Variants in TRPM7 observed in about 807,000 individuals in gnomAD.
TRPM7 encodes the protein transient receptor potential cation channel subfamily M member 7.
A neutral mutation model predicts 229.7 loss-of-function variants in TRPM7; 134 were observed. The ratio of observed to expected loss-of-function variants is 0.58; its 90% CI spans 0.51 to 0.67. The LOEUF is 0.67. Ranked by LOEUF, TRPM7 falls within the 30% of genes least tolerant of loss-of-function variation. The pLI, the probability that TRPM7 is intolerant of heterozygous loss-of-function variation, is 0.00. For synonymous variants in TRPM7, 699 were observed against 715.2 expected (o/e 0.98, Z 0.36); for missense variants, 1,901 against 2,210.0 (o/e 0.86, Z 2.80).
At chr15:50,667,201 T>C (rs2061905759) in intron 1 of TRPM7, among the ~76,000 whole-genome samples, 1 of 152,130 alleles carries the variant, frequency 6.6e-6, no homozygotes, top group African/African-American at 2.4e-5. Context: ...AGAAACATGC[T>C]CTTGGCCCCC....
At chr15:50,656,580 C>T (rs564561734) in intron 3 of TRPM7, among the ~76,000 whole-genome samples, 12 of 151,580 alleles carry the variant, frequency 7.9e-5, no homozygotes, top group African/African-American at 2.9e-4. Flanking sequence ...AAACCATCCT[C>T]CTGCCTCAAC....
chr15:50,651,472 C>T (rs964334184), intron 3 of TRPM7, among the ~76,000 whole-genome samples: 18 of 151,546 alleles, frequency 1.2e-4, no homozygotes, highest in East Asian at 3.9e-4. Context: ...AGTGAAACCC[C>T]GTCTGTAATA....
chr15:50,613,347 C>G (rs2140486656), intron 15 of TRPM7, among the ~76,000 whole-genome samples: 1 of 151,814 alleles, frequency 6.6e-6, no homozygotes, highest in Non-Finnish European at 1.5e-5. Context: ...ACTAAAAATA[C>G]AAAAAATTAG....
chr15:50,656,166 T>C (rs1216807093), intron 3 of TRPM7, among the ~76,000 whole-genome samples: 3 of 150,842 alleles, frequency 2.0e-5, no homozygotes, highest in Non-Finnish European at 4.5e-5. Context: ...CTATATGAAA[T>C]GCTAAATAAA....
chr15:50,588,047 C>T (rs1326381323), intron 27 of TRPM7: 1 of 172,144 alleles, frequency 5.8e-6, no homozygotes, highest in African/African-American at 2.4e-5. Context: ...TCTAAATATG[C>T]CATAATTAAA....
rs78432285 is a variant in TRPM7, at chr15:50,591,893, C to A, written c.4324+18G>T. Reference sequence around the variant, plus strand: ...AGTAAATAATATTGATATACAAATACGAATTTGCCAAACTTACCTACAAAT... The same window carrying A: ...AGTAAATAATATTGATATACAAATAAGAATTTGCCAAACTTACCTACAAAT... On this transcript the variant is annotated intron_variant, in intron 26 of 38. Transcript: ENST00000646667. 2.4e-5 allele frequency: 36 copies of A among 1,502,434 alleles called. No homozygotes were observed. The Admixed American group carries it at 6.9e-4, about 29-fold the overall frequency. The allele number at this position is 1,502,434 out of a possible 1,614,324, so 93.1% of individuals were successfully genotyped here. A position where few individuals can be genotyped will look rare whatever the true frequency, so the allele number is the denominator to read the frequency against.
chr15:50,599,518 G>A (rs577690343), intron 21 of TRPM7: 112 of 380,536 alleles, frequency 2.9e-4, no homozygotes, highest in Admixed American at 7.3e-4. Context: ...AGCTAAGCAA[G>A]TCATGGGCAT....
intron 19 of TRPM7, among the ~76,000 whole-genome samples, chr15:50,608,095 A>C (rs2059970469): frequency 6.6e-6 from 1 of 151,674 alleles, no homozygotes; most frequent in Non-Finnish European, 1.5e-5. Context: ...AAAGAAAAGA[A>C]AAAAAGACAA....
chr15:50,572,208 CGAA>C, intron 36 of TRPM7, among the ~76,000 whole-genome samples: 1 of 152,216 alleles, frequency 6.6e-6, no homozygotes, highest in South Asian at 2.1e-4. Flanking sequence ...TGGCTTGAGC[CGAA>C]GGAGTTTGAG....
chr15:50,672,897 TCAAAA>T (rs2062020262), intron 1 of TRPM7, among the ~76,000 whole-genome samples: 1 of 11,226 alleles, frequency 8.9e-5, no homozygotes, highest in Admixed American at 1.6e-3. Flanking sequence ...AGACTCTGTC[TCAAAA>T]AAAAAAAAAA....
chr15:50,677,279 A>C (rs537172863), intron 1 of TRPM7, among the ~76,000 whole-genome samples: 6 of 152,128 alleles, frequency 3.9e-5, no homozygotes, highest in African/African-American at 1.4e-4. Context: ...CCCCACCCTC[A>C]TGACCTCATC....
At position 50,686,655 on chromosome 15, in the gene TRPM7, C is replaced by G. The variant is rs2140999049; in HGVS notation, c.-122G>C. 7.3e-7 allele frequency: 1 copy of G among 1,378,706 alleles called. No individual in the cohort carries two copies. The highest frequency in any genetic ancestry group is 2.5e-5 in the Admixed American group (1 of 40,650). 85.4% of individuals were successfully genotyped at this position (1,378,706 alleles called of 1,614,324 possible). ...GCAGAGGCCGCCGGACAAGGAACGC[C>G]CAGGGAAACCTTCTCAGAACTAACT... On this transcript the variant is annotated 5_prime_UTR_variant, in exon 1 of 39. Coordinates refer to ENST00000646667, the MANE Select transcript of TRPM7 (RefSeq NM_017672.6).
chr15:50,645,419 C>G (rs980866542), intron 4 of TRPM7, among the ~76,000 whole-genome samples: 1 of 152,096 alleles, frequency 6.6e-6, no homozygotes, highest in Non-Finnish European at 1.5e-5. Flanking sequence ...GAATGCCTCC[C>G]GGGTTCAAGA....
chr15:50,643,499 T>G lies in TRPM7; in HGVS notation c.376A>C (p.Lys126Gln), dbSNP rs1179989783. The stretch of plus-strand genomic sequence containing the variant: ...TTGGGTAACTCCATTTGCCATTCTT[T>G]AAGCAGAAGTTGCAGAATGACTTCA... The part of the protein sequence containing the change: ...KPEVILQLLL[K>Q]EWQMELPKLV... The change falls in exon 5 of 39, where the codon AAA (lysine) becomes CAA (glutamine). Residue 126 changes from lysine to glutamine, a missense_variant. Around this residue, in one of 8 missense-constraint regions of TRPM7, gnomAD observed 794 missense variants for 881.9 expected, o/e 0.90. Transcript: ENST00000646667. 1.2e-6 allele frequency: 2 copies of G among 1,614,056 alleles called. No individual in the cohort carries two copies. Among genetic ancestry groups the G allele is most frequent in the Non-Finnish European group, 1.7e-6 (2 of 1,180,036 alleles).
At chr15:50,610,229 A>G (rs540059236) in intron 17 of TRPM7, among the ~76,000 whole-genome samples, 12 of 152,216 alleles carry the variant, frequency 7.9e-5, no homozygotes, top group African/African-American at 2.4e-4. Flanking sequence ...AATAATTATT[A>G]TAGACTTGTC....
intron 1 of TRPM7, among the ~76,000 whole-genome samples, chr15:50,664,308 CAAAAAAA>C (rs36108092): frequency 3.4e-5 from 2 of 58,926 alleles, no homozygotes; most frequent in South Asian, 6.0e-4. Context: ...GACTCCGTCT[CAAAAAAA>C]AAAAAAAAAA....
At chr15:50,613,622 A>G (rs2060127142) in intron 15 of TRPM7, 85 bp downstream of exon 15, 2 of 1,224,480 alleles carry the variant, frequency 1.6e-6, no homozygotes, top group Non-Finnish European at 2.2e-6. Context: ...TACTAAATCA[A>G]TTAGTTTTTT....
chr15:50,675,322 G>A (rs1449479211), intron 1 of TRPM7, among the ~76,000 whole-genome samples: 1 of 149,422 alleles, frequency 6.7e-6, no homozygotes, highest in Non-Finnish European at 1.5e-5. Flanking sequence ...CAACCCAGGC[G>A]ACAAGAGCAA....
rs145433193 is a variant in TRPM7, at chr15:50,683,921, C to T, written c.3+2610G>A. Among the ~76,000 whole-genome samples, 680 of 150,878 alleles carry T rather than the reference C, an allele frequency of 4.5e-3. 2 individuals carry two copies. Among genetic ancestry groups the T allele is most frequent in the Middle Eastern group, 0.01 (3 of 288 alleles). ...CTCTCACCCAGGCTGGAGTGAATGG[C>T]GCAATCTTGGCTCACTGCAACCTCC... is the stretch of plus-strand genomic sequence containing the variant. On this transcript the variant is annotated intron_variant, in intron 1 of 38. Transcript: ENST00000646667.
Sources: gnomAD v4.1 joint callset for allele counts (sites outside exome capture counted in the v4.1 genomes callset) on GRCh38, gnomAD v4.1.1 for gene constraint, gnomAD v4.1.1 regional missense constraint, MANE v1.5 for transcripts, NCBI Gene and HGNC (gene_info 2026-07-23, HGNC 2026-07-21) for gene names.